Variants in TCF4 observed in about 807,000 individuals in gnomAD.
The protein encoded by TCF4 is transcription factor 4.
Under a neutral mutation model 82.1 loss-of-function variants are expected in TCF4, and 3 were observed. The observed-to-expected ratio is 0.04, with a 90% CI of 0.02 to 0.09. The LOEUF (loss-of-function observed/expected upper bound fraction) is 0.09. Ranked by LOEUF, TCF4 falls within the 10% of genes least tolerant of loss-of-function variation. The probability of loss-of-function intolerance (pLI) is 1.00; values close to 1 mark genes in which losing one functional copy is unlikely to be tolerated. For missense variants in TCF4, 518 were observed against 852.7 expected, an observed-to-expected ratio of 0.61 and a Z score of 4.89; for synonymous variants, 276 against 309.6, an observed-to-expected ratio of 0.89 and a Z score of 1.14.
intron 3 of TCF4, among the ~76,000 whole-genome samples, chr18:55,507,106 G>A (rs1285438098): frequency 3.3e-5 from 5 of 152,034 alleles, no homozygotes; most frequent in African/African-American, 9.7e-5. Context: ...CAGGTGATCC[G>A]CCCGCCTTGG....
At chr18:55,268,127 G>T (rs760708761) in intron 11 of TCF4, 7 of 152,030 alleles carry the variant, frequency 4.6e-5, no homozygotes, top group Non-Finnish European at 1.0e-4. Flanking sequence ...GGACTGTTTT[G>T]CAAATCAATC....
chr18:55,405,200 C>A (rs949656295), intron 5 of TCF4, among the ~76,000 whole-genome samples: 10 of 152,218 alleles, frequency 6.6e-5, no homozygotes, highest in African/African-American at 2.2e-4. Flanking sequence ...ATATTACTAA[C>A]AGAAAAGGCT....
Position 55,224,071 on chromosome 18 carries a change from A to G in TCF4, c.*3964T>C, listed in dbSNP as rs2046272517. On this transcript the variant is annotated 3_prime_UTR_variant, in exon 20 of 20. Coordinates refer to ENST00000354452, the MANE Select transcript of TCF4 (RefSeq NM_001083962.2). The stretch of plus-strand genomic sequence containing the variant: ...AATTTAGTTTTTTTTTTTTCCTACT[A>G]GGGTGTACTACAGTCTATTTTATAG... 1 of 150,704 alleles carries G rather than the reference A, an allele frequency of 6.6e-6. No homozygotes were observed. The highest frequency in any genetic ancestry group is 1.5e-5 in the Non-Finnish European group (1 of 67,692). 9.3% of individuals were successfully genotyped at this position (150,704 alleles called of 1,614,324 possible). A position where few individuals can be genotyped will look rare whatever the true frequency, so the allele number is the denominator to read the frequency against.
At chr18:55,586,030 C>A in intron 2 of TCF4, 1 of 1,369,380 alleles carries the variant, frequency 7.3e-7, no homozygotes, top group South Asian at 1.4e-5. Context: ...GTGCAACAAG[C>A]AGAAAGGGGG....
chr18:55,546,130 G>A (rs886105598), intron 3 of TCF4, among the ~76,000 whole-genome samples: 1 of 152,094 alleles, frequency 6.6e-6, no homozygotes, highest in African/African-American at 2.4e-5. Context: ...GAGCCCAGGA[G>A]TAAGAGACCA....
intron 3 of TCF4, among the ~76,000 whole-genome samples, chr18:55,499,025 T>A (rs974863139): frequency 7.2e-5 from 11 of 152,148 alleles, no homozygotes; most frequent in African/African-American, 2.7e-4. Flanking sequence ...GTTTTTTAGA[T>A]CTTCAACGAT....
At chr18:55,599,456 C>T (rs1031271922) in intron 2 of TCF4, among the ~76,000 whole-genome samples, 5 of 152,236 alleles carry the variant, frequency 3.3e-5, no homozygotes, top group Non-Finnish European at 5.9e-5. Flanking sequence ...TGCAATGGCT[C>T]ATGCCTGTAA....
chr18:55,269,938 T>C lies in TCF4; in HGVS notation c.815A>G (p.Asp272Gly). The C allele has an allele frequency of 6.2e-7, 1 of 1,613,330 alleles. No individual in the cohort carries two copies. The highest frequency in any genetic ancestry group is 8.5e-7 in the Non-Finnish European group (1 of 1,179,446). ...CATCGGAGGAAGACTGGAATTGATG[T>C]CTGCTGAGGAGTGTGATGGATAGCT... Reference protein sequence around the residue: ...RLSYPSHSSADINSSLPPMST... With the variant: ...RLSYPSHSSAGINSSLPPMST... The change falls in exon 11 of 20, where the codon GAC (aspartate) becomes GGC (glycine). Residue 272 changes from aspartate to glycine, a missense_variant. Around this residue, in one of 7 missense-constraint regions of TCF4, gnomAD observed 211 missense variants for 327.4 expected, o/e 0.64. Coordinates refer to ENST00000354452, the MANE Select transcript of TCF4 (RefSeq NM_001083962.2).
At chr18:55,555,396 T>C (rs1417285785) in intron 3 of TCF4, among the ~76,000 whole-genome samples, 1 of 152,194 alleles carries the variant, frequency 6.6e-6, no homozygotes, top group Non-Finnish European at 1.5e-5. Flanking sequence ...ACTGTAACCA[T>C]ATATCCAGGG....
chr18:55,538,717 G>A (rs984707158), intron 3 of TCF4, among the ~76,000 whole-genome samples: 3 of 152,108 alleles, frequency 2.0e-5, no homozygotes, highest in African/African-American at 7.2e-5. Flanking sequence ...GTATCTTAGC[G>A]AGTGATCCTT....
chr18:55,606,323 G>A (rs1233221175), intron 2 of TCF4, among the ~76,000 whole-genome samples: 1 of 152,130 alleles, frequency 6.6e-6, no homozygotes, highest in East Asian at 1.9e-4. Flanking sequence ...TTTTGAGAGT[G>A]TGAAAATGTG....
chr18:55,334,053 A>G (rs2078129751), intron 8 of TCF4, among the ~76,000 whole-genome samples: 1 of 152,078 alleles, frequency 6.6e-6, no homozygotes, highest in African/African-American at 2.4e-5. Context: ...TTTTTACCCA[A>G]TTTACACAGC....
chr18:55,567,362 A>C (rs2097418667), intron 3 of TCF4, among the ~76,000 whole-genome samples: 1 of 152,242 alleles, frequency 6.6e-6, no homozygotes, highest in Non-Finnish European at 1.5e-5. Context: ...TACAGGGAAA[A>C]ATTTATAAAT....
intron 3 of TCF4, among the ~76,000 whole-genome samples, chr18:55,530,861 A>G (rs2097054976): frequency 6.6e-6 from 1 of 152,148 alleles, no homozygotes. Context: ...AACTACCACT[A>G]GACTGCAAAT....
intron 13 of TCF4, 61 bp downstream of exon 13, chr18:55,259,888 A>G (rs1044196462): frequency 1.4e-6 from 2 of 1,415,362 alleles, no homozygotes; most frequent in African/African-American, 2.8e-5. Flanking sequence ...ATCAGGAAGT[A>G]CAAGGGGGGA....
chr18:55,604,154 A>G (rs2097700024), intron 2 of TCF4, among the ~76,000 whole-genome samples: 1 of 152,160 alleles, frequency 6.6e-6, no homozygotes, highest in African/African-American at 2.4e-5. Flanking sequence ...TGATTTTTTA[A>G]AAGCACTAGA....
intron 5 of TCF4, among the ~76,000 whole-genome samples, chr18:55,414,222 G>A (rs2094450082): frequency 6.6e-6 from 1 of 151,826 alleles, no homozygotes. Flanking sequence ...TTAAATCAAA[G>A]TAAGTAAAGA....
intron 6 of TCF4, among the ~76,000 whole-genome samples, chr18:55,383,673 G>A (rs1355805087): frequency 6.6e-6 from 1 of 152,208 alleles, no homozygotes; most frequent in Non-Finnish European, 1.5e-5. Context: ...CAAAGAGGCA[G>A]TCCACGTTAC....
chr18:55,530,127 T>G (rs2097042838), intron 3 of TCF4, among the ~76,000 whole-genome samples: 1 of 152,212 alleles, frequency 6.6e-6, no homozygotes, highest in African/African-American at 2.4e-5. Context: ...ATGAAGACAT[T>G]AAATAACTTT....
Sources: gnomAD v4.1 joint callset for allele counts (sites outside exome capture counted in the v4.1 genomes callset) on GRCh38, gnomAD v4.1.1 for gene constraint, gnomAD v4.1.1 regional missense constraint, MANE v1.5 for transcripts, NCBI Gene and HGNC (gene_info 2026-07-23, HGNC 2026-07-21) for gene names.